Variants in AMPH observed in about 807,000 individuals in gnomAD.
The protein encoded by AMPH is amphiphysin.
AMPH carries 49 observed loss-of-function variants against 99.1 expected under a neutral mutation model. The observed-to-expected ratio is 0.49, with a 90% confidence interval of 0.39 to 0.63. The LOEUF (loss-of-function observed/expected upper bound fraction) is 0.63, where lower values mean the gene tolerates loss of function less well. Ranked by LOEUF, AMPH falls within the 20% of genes least tolerant of loss-of-function variation. The pLI is 0.00. For missense variants in AMPH, 759 were observed against 863.4 expected, an observed-to-expected ratio of 0.88 and a Z score of 1.52; for synonymous variants, 314 against 317.3, an observed-to-expected ratio of 0.99 and a Z score of 0.11.
chr7:38,415,450 T>C (rs942277632), intron 17 of AMPH, among the ~76,000 whole-genome samples: 3 of 152,230 alleles, frequency 2.0e-5, no homozygotes, highest in Admixed American at 2.0e-4. Context: ...ATGTGGATTT[T>C]TGTTTTTACA....
intron 13 of AMPH, 32 bp from the exon 14 acceptor site, chr7:38,429,897 G>A: frequency 6.3e-7 from 1 of 1,591,928 alleles, no homozygotes; most frequent in South Asian, 1.1e-5. Context: ...TAACAATAAG[G>A]CGAGAGAGAA....
At chr7:38,490,653 G>A (rs1788682374) in intron 5 of AMPH, among the ~76,000 whole-genome samples, 1 of 152,040 alleles carries the variant, frequency 6.6e-6, no homozygotes, top group Non-Finnish European at 1.5e-5. Context: ...ATCAGGTTTT[G>A]CTCTCATATT....
chr7:38,479,882 T>C (rs1788225809), intron 5 of AMPH, among the ~76,000 whole-genome samples: 1 of 151,926 alleles, frequency 6.6e-6, no homozygotes, highest in African/African-American at 2.4e-5. Flanking sequence ...TATCATAAAA[T>C]ATATTGACTC....
intron 1 of AMPH, among the ~76,000 whole-genome samples, chr7:38,607,430 TTAATGTA>T (rs1367893954): frequency 6.6e-6 from 1 of 152,212 alleles, no homozygotes; most frequent in Non-Finnish European, 1.5e-5. Flanking sequence ...TGCATGTCCA[TTAATGTA>T]TAATACATTT....
intron 20 of AMPH, among the ~76,000 whole-genome samples, chr7:38,387,364 G>A (rs1784376045): frequency 6.6e-6 from 1 of 152,160 alleles, no homozygotes; most frequent in Non-Finnish European, 1.5e-5. Flanking sequence ...TTATAAATTT[G>A]TTCAAGTATA....
At chr7:38,610,591 T>G (rs1793650925) in intron 1 of AMPH, among the ~76,000 whole-genome samples, 1 of 151,998 alleles carries the variant, frequency 6.6e-6, no homozygotes, top group Admixed American at 6.6e-5. Context: ...TGCTAGACTT[T>G]TACTTGCACT....
At chr7:38,501,884 A>G (rs569757007) in intron 3 of AMPH, among the ~76,000 whole-genome samples, 4 of 152,144 alleles carry the variant, frequency 2.6e-5, no homozygotes, top group African/African-American at 7.2e-5. Context: ...AGCTTTACCA[A>G]TTCTAAATAT....
intron 11 of AMPH, among the ~76,000 whole-genome samples, chr7:38,451,279 A>C (rs569281121): frequency 7.1e-6 from 1 of 140,638 alleles, no homozygotes; most frequent in South Asian, 2.9e-4. Flanking sequence ...ATATACATGT[A>C]TATATACACA....
intron 1 of AMPH, among the ~76,000 whole-genome samples, chr7:38,629,047 T>C (rs1368560226): frequency 6.6e-6 from 1 of 152,164 alleles, no homozygotes; most frequent in Non-Finnish European, 1.5e-5. Flanking sequence ...GGGACATATA[T>C]GGTCTATAGT....
intron 2 of AMPH, among the ~76,000 whole-genome samples, chr7:38,529,796 G>A (rs150251416): frequency 1.5e-4 from 23 of 152,248 alleles, no homozygotes; most frequent in African/African-American, 4.8e-4. Flanking sequence ...GGTTATCTGT[G>A]GCAAAAACAA....
intron 17 of AMPH, among the ~76,000 whole-genome samples, chr7:38,402,727 A>T (rs1389369942): frequency 6.6e-6 from 1 of 152,164 alleles, no homozygotes; most frequent in Non-Finnish European, 1.5e-5. Context: ...GAGGGTGGAG[A>T]TGGATGACAC....
intron 1 of AMPH, among the ~76,000 whole-genome samples, chr7:38,609,578 C>T (rs923627087): frequency 2.6e-5 from 4 of 152,188 alleles, no homozygotes; most frequent in Non-Finnish European, 1.5e-5. Context: ...TTAAAAACCA[C>T]ATTCTCCAAG....
intron 1 of AMPH, among the ~76,000 whole-genome samples, chr7:38,572,719 C>T (rs1792094360): frequency 6.6e-6 from 1 of 152,172 alleles, no homozygotes; most frequent in Non-Finnish European, 1.5e-5. Context: ...AGGAGGAAGA[C>T]CTTGTTTTCT....
rs532406626 is a variant in AMPH at position 38,578,966 on chromosome 7, C to T, written c.70-43955G>A. On this transcript the variant is annotated intron_variant, in intron 1 of 20. Coordinates refer to ENST00000356264, the MANE Select transcript of AMPH (RefSeq NM_001635.4). The stretch of plus-strand genomic sequence containing the variant: ...ATCTGTTGAGATATTGCATGTCATA[C>T]AGCTTCTGGAAAACTCCATTGTACA... Among the ~76,000 whole-genome samples, 7 of 152,306 alleles carry T rather than the reference C, an allele frequency of 4.6e-5. No individual in the cohort carries two copies. The South Asian group carries it at 1.4e-3, about 32-fold the overall frequency.
chr7:38,398,955 G>A (rs1411453420), intron 17 of AMPH, among the ~76,000 whole-genome samples: 1 of 152,120 alleles, frequency 6.6e-6, no homozygotes, highest in Non-Finnish European at 1.5e-5. Flanking sequence ...TGACGTTGTA[G>A]GAGCAAATAC....
chr7:38,431,733 C>T (rs1786037864), intron 13 of AMPH, among the ~76,000 whole-genome samples: 1 of 151,856 alleles, frequency 6.6e-6, no homozygotes, highest in Admixed American at 6.6e-5. Flanking sequence ...AAATCCAGGG[C>T]TATCTGGCTC....
At chr7:38,583,412 T>C (rs1584272318) in intron 1 of AMPH, among the ~76,000 whole-genome samples, 1 of 151,948 alleles carries the variant, frequency 6.6e-6, no homozygotes, top group East Asian at 1.9e-4. Context: ...TTTTTTTTAG[T>C]ATTTCAGTAA....
intron 6 of AMPH, among the ~76,000 whole-genome samples, chr7:38,476,178 T>G (rs1788079414): frequency 6.6e-6 from 1 of 152,216 alleles, no homozygotes; most frequent in African/African-American, 2.4e-5. Context: ...GACTTGAAAG[T>G]TGATCAGGAT....
intron 14 of AMPH, chr7:38,428,649 A>G: frequency 2.2e-6 from 1 of 456,696 alleles, no homozygotes; most frequent in Non-Finnish European, 4.4e-6. Context: ...GCCATCTTCA[A>G]TATTAGATAC....
Sources: allele counts gnomAD v4.1 joint callset (sites outside exome capture counted in the v4.1 genomes callset), GRCh38; gene constraint gnomAD v4.1.1; transcripts MANE v1.5; gene names NCBI Gene and HGNC (gene_info 2026-07-23, HGNC 2026-07-21).